ANGPT2: variants seen among roughly 807,000 people sequenced by gnomAD.
ANGPT2 encodes the protein angiopoietin-2.
Under a neutral mutation model 62.9 loss-of-function variants are expected in ANGPT2, and 28 were observed. That is an observed-to-expected ratio of 0.44 (90% confidence interval 0.33 to 0.61). The LOEUF is 0.61. Ranked by LOEUF, ANGPT2 falls within the 20% of genes least tolerant of loss-of-function variation. ANGPT2 has a pLI of 0.03. For synonymous variants in ANGPT2, 284 were observed against 207.8 expected, an observed-to-expected ratio of 1.37 and a Z score of -3.15; for missense variants, 727 against 594.9, an observed-to-expected ratio of 1.22 and a Z score of -2.31.
chr8:6,535,016 A>C (rs1263353417), intron 1 of ANGPT2, among the ~76,000 whole-genome samples: 2 of 152,218 alleles, frequency 1.3e-5, no homozygotes, highest in Non-Finnish European at 2.9e-5. Context: ...ATATTTAAAA[A>C]GTTTCATTCC....
At chr8:6,551,161 T>C (rs4840457) in intron 1 of ANGPT2, among the ~76,000 whole-genome samples, 14,126 of 152,212 alleles carry the variant, frequency 0.093, 708 homozygotes, top group South Asian at 0.15. Context: ...CTTAGGATTT[T>C]AAATCACTTA....
intron 8 of ANGPT2, chr8:6,508,441 A>G (rs555792904): frequency 2.4e-5 from 4 of 166,352 alleles, no homozygotes; most frequent in Non-Finnish European, 5.1e-5. Context: ...CTCTGTCTCA[A>G]AATAAATAAA....
intron 2 of ANGPT2, among the ~76,000 whole-genome samples, chr8:6,528,020 C>G (rs1818708127): frequency 6.6e-6 from 1 of 151,964 alleles, no homozygotes; most frequent in African/African-American, 2.4e-5. Flanking sequence ...CTCATTCTCC[C>G]CAGTAGCTGG....
chr8:6,537,340 T>G (rs1820685482), intron 1 of ANGPT2, among the ~76,000 whole-genome samples: 2 of 152,064 alleles, frequency 1.3e-5, no homozygotes, highest in African/African-American at 4.8e-5. Context: ...GTCGGCAAAG[T>G]GTGGGGCCTT....
chr8:6,519,955 C>G lies in ANGPT2; in HGVS notation c.836G>C (p.Ser279Thr), dbSNP rs1817001998. 1 of 1,613,972 alleles carries G rather than the reference C, an allele frequency of 6.2e-7. No individual in the cohort carries two copies. The highest frequency in any genetic ancestry group is 8.5e-7 in the Non-Finnish European group (1 of 1,179,970). The change falls in exon 5 of 9, where the codon AGC becomes ACC. Residue 279 changes from serine to threonine, a missense_variant. By Grantham distance (58) the Ser-to-Thr change is moderately conservative (BLOSUM62 1). Coordinates refer to ENST00000629816, the MANE Select transcript of ANGPT2 (RefSeq NM_001118887.2). ...GAATACTTCAGCACAGTCTCTGAAG[C>G]TGATTTGTTCTTCTTTAGCAACAGT... is the stretch of plus-strand genomic sequence containing the variant. ...DPTVAKEEQI[S>T]FRDCAEVFKS...
At chr8:6,549,560 G>T (rs564409901) in intron 1 of ANGPT2, among the ~76,000 whole-genome samples, 285 of 151,672 alleles carry the variant, frequency 1.9e-3, no homozygotes, top group African/African-American at 6.6e-3. Context: ...GAGGAGGGGC[G>T]TGAGGGAGCC....
Position 6,499,986 on chromosome 8 carries a change from T to C in ANGPT2, c.*3115A>G. Reference sequence around the variant, plus strand: ...GCAGTTTGCTGTTCTCAAGAAATTATTATAAACATAAGGGTGGACTTAAGT... The same window carrying C: ...GCAGTTTGCTGTTCTCAAGAAATTACTATAAACATAAGGGTGGACTTAAGT... On this transcript the variant is annotated 3_prime_UTR_variant, in exon 9 of 9. Coordinates refer to ENST00000629816, the MANE Select transcript of ANGPT2 (RefSeq NM_001118887.2). 10 of 1,451,762 alleles carry C rather than the reference T, an allele frequency of 6.9e-6. No homozygotes were observed. Among genetic ancestry groups the C allele is most frequent in the South Asian group, 3.4e-5 (3 of 87,714 alleles). 89.9% of individuals were successfully genotyped at this position (1,451,762 alleles called of 1,614,324 possible). A position where few individuals can be genotyped will look rare whatever the true frequency, so the allele number is the denominator to read the frequency against.
chr8:6,542,966 G>A (rs1438893012), intron 1 of ANGPT2, among the ~76,000 whole-genome samples: 4 of 152,194 alleles, frequency 2.6e-5, no homozygotes, highest in African/African-American at 9.7e-5. Context: ...AAGGCCGGCA[G>A]GAAGCGTGTG....
In ANGPT2 at chr8:6,519,919, T is replaced by C; in HGVS notation, c.872A>G (p.His291Arg). Reference protein sequence around the residue: ...RDCAEVFKSGHTTNGIYTLTF... With the variant: ...RDCAEVFKSGRTTNGIYTLTF... Reference sequence around the variant, plus strand: ...TAACGTGTAGATGCCATTCGTGGTGTGTCCTGATTTGAATACTTCAGCACA... The same window carrying C: ...TAACGTGTAGATGCCATTCGTGGTGCGTCCTGATTTGAATACTTCAGCACA... The change falls in exon 5 of 9, where the codon CAC (histidine) becomes CGC (arginine). Residue 291 changes from histidine (H) to arginine (R), a missense_variant. Coordinates refer to ENST00000629816, the MANE Select transcript of ANGPT2 (RefSeq NM_001118887.2). 6.2e-7 allele frequency: 1 copy of C among 1,613,782 alleles called. No homozygotes were observed. Among genetic ancestry groups the C allele is most frequent in the Non-Finnish European group, 8.5e-7 (1 of 1,179,876 alleles).
chr8:6,529,536 C>T lies in ANGPT2; in HGVS notation c.445-1860G>A, dbSNP rs1273123889. ...GCACCATATCTGTTCACTACAGACT[C>T]TGCCTCCCAGGCTTAAGCACTTCTT... On this transcript the variant is annotated intron_variant, in intron 2 of 8. Transcript: ENST00000629816. Among the ~76,000 whole-genome samples the T allele has an allele frequency of 2.6e-5, 4 of 150,972 alleles. No individual in the cohort carries two copies. In the South Asian group the frequency reaches 8.4e-4, roughly 32 times the overall value.
chr8:6,503,089 G>A lies in ANGPT2; in HGVS notation c.*12C>T. On this transcript the variant is annotated 3_prime_UTR_variant, in exon 9 of 9. Transcript: ENST00000629816. Reference sequence around the variant, plus strand: ...AATAGTTCGAGACAGTTCCTCAGGTGGACTGGGATGTTTAGAAATCTGCTG... The same window carrying A: ...AATAGTTCGAGACAGTTCCTCAGGTAGACTGGGATGTTTAGAAATCTGCTG... 6.2e-7 allele frequency: 1 copy of A among 1,614,086 alleles called. No individual in the cohort carries two copies.
intron 1 of ANGPT2, among the ~76,000 whole-genome samples, chr8:6,533,518 G>A (rs557290887): frequency 3.4e-5 from 5 of 147,690 alleles, no homozygotes; most frequent in African/African-American, 1.2e-4. Context: ...GTTAAGCTGT[G>A]CTTTTAAAGT....
In ANGPT2 at chr8:6,515,632, A is replaced by G. The variant is rs189331157; in HGVS notation, c.928-854T>C. 5.8e-4 allele frequency among the ~76,000 whole-genome samples: 89 copies of G among 152,362 alleles called. 1 individual carries two copies. The East Asian group carries it at 0.013, about 22-fold the overall frequency. On this transcript the variant is annotated intron_variant, in intron 5 of 8. Transcript: ENST00000629816. ...GAAATTAAAAACCCCTGAAAATAAG[A>G]TTACATAAATAGTTTTAAATAATAA...
chr8:6,505,361 G>GTA lies in ANGPT2; in HGVS notation c.1328-2102_1328-2101dup, dbSNP rs1208296840. ...AAGAATATATATATTCTTTCTATAT[G>GTA]TATATAGAATATATATATTCTTTCT... On this transcript the variant is annotated intron_variant, in intron 8 of 8. Coordinates refer to ENST00000629816, the MANE Select transcript of ANGPT2 (RefSeq NM_001118887.2). Among the ~76,000 whole-genome samples, 150 of 40,590 alleles carry GTA rather than the reference G, an allele frequency of 3.7e-3. 5 individuals are homozygous for GTA. The highest frequency in any genetic ancestry group is 5.5e-3 in the Non-Finnish European group (114 of 20,650). 26.6% of individuals were successfully genotyped at this position (40,590 alleles called of 152,430 possible). A position where few individuals can be genotyped will look rare whatever the true frequency, so the allele number is the denominator to read the frequency against.
chr8:6,523,357 T>C (rs3020223), intron 3 of ANGPT2, among the ~76,000 whole-genome samples: 11,425 of 152,230 alleles, frequency 0.075, 516 homozygotes, highest in African/African-American at 0.12. Context: ...AGTCCTAAGA[T>C]ACTTTATTAA....
intron 1 of ANGPT2, among the ~76,000 whole-genome samples, chr8:6,545,379 A>C (rs575708545): frequency 2.6e-3 from 390 of 152,330 alleles, no homozygotes; most frequent in Non-Finnish European, 4.6e-3. Flanking sequence ...AAACTAAAAG[A>C]CATTTAGAAA....
intron 4 of ANGPT2, among the ~76,000 whole-genome samples, chr8:6,520,503 C>T (rs1469711961): frequency 6.6e-6 from 1 of 152,166 alleles, no homozygotes; most frequent in East Asian, 1.9e-4. Context: ...TTAAGTGATT[C>T]TCCTACCTCA....
intron 5 of ANGPT2, among the ~76,000 whole-genome samples, chr8:6,516,607 C>T (rs778587018): frequency 6.6e-6 from 1 of 152,196 alleles, no homozygotes; most frequent in Non-Finnish European, 1.5e-5. Flanking sequence ...TCACTTCTAT[C>T]AATATTTCTT....
At position 6,500,113 on chromosome 8, in the gene ANGPT2, G is replaced by C. The variant is rs1811859633; in HGVS notation, c.*2988C>G. On this transcript the variant is annotated 3_prime_UTR_variant, in exon 9 of 9. Coordinates refer to ENST00000629816, the MANE Select transcript of ANGPT2 (RefSeq NM_001118887.2). ...CGCGAGAACAAATGTGAGAACGTGA[G>C]ACCATTGTGCAAAAAGTAGTGAGGA... 3.3e-6 allele frequency: 2 copies of C among 614,462 alleles called. No individual in the cohort carries two copies. The highest frequency in any genetic ancestry group is 1.9e-5 in the South Asian group (1 of 53,762). The allele number at this position is 614,462 out of a possible 1,614,324, so 38.1% of individuals were successfully genotyped here.
Sources: gnomAD v4.1 joint callset for allele counts (sites outside exome capture counted in the v4.1 genomes callset) on GRCh38, gnomAD v4.1.1 for gene constraint, MANE v1.5 for transcripts, NCBI Gene and HGNC (gene_info 2026-07-23, HGNC 2026-07-21) for gene names.